The following CDK6 variants were observed in gnomAD, a reference collection of about 807,000 sequenced individuals.
CDK6 encodes cyclin-dependent kinase 6.
CDK6 carries 6 observed loss-of-function variants against 37.1 expected under a neutral mutation model. The observed-to-expected ratio is 0.16, with a 90% CI of 0.09 to 0.32. The LOEUF is 0.32. Ranked by LOEUF, CDK6 falls within the 10% of genes least tolerant of loss-of-function variation. CDK6 has a pLI of 1.00. For synonymous variants in CDK6, 160 were observed against 161.3 expected, an observed-to-expected ratio of 0.99 and a Z score of 0.06; for missense variants, 224 against 418.9, an observed-to-expected ratio of 0.53 and a Z score of 4.06.
intron 5 of CDK6, among the ~76,000 whole-genome samples, chr7:92,650,421 G>T (rs1176248001): frequency 1.3e-5 from 2 of 150,872 alleles, no homozygotes; most frequent in South Asian, 2.1e-4. Context: ...ATCTTTTGTT[G>T]TTTTTTTTTG....
chr7:92,689,731 A>T (rs1439156550), intron 4 of CDK6, among the ~76,000 whole-genome samples: 2 of 152,196 alleles, frequency 1.3e-5, no homozygotes, highest in African/African-American at 2.4e-5. Flanking sequence ...CAAAGGCTGA[A>T]CTAATTTACA....
chr7:92,734,809 T>C (rs1000087792), intron 3 of CDK6, among the ~76,000 whole-genome samples: 2 of 152,212 alleles, frequency 1.3e-5, no homozygotes, highest in African/African-American at 4.8e-5. Flanking sequence ...TGTTCATATG[T>C]GTTGAGACTT....
chr7:92,657,120 T>C (rs1796716842), intron 5 of CDK6, among the ~76,000 whole-genome samples: 1 of 152,052 alleles, frequency 6.6e-6, no homozygotes, highest in Admixed American at 6.5e-5. Context: ...AAAAAAAGAA[T>C]TGGCTTTCAA....
chr7:92,737,523 G>GA (rs1798815881), intron 3 of CDK6, among the ~76,000 whole-genome samples: 1 of 152,096 alleles, frequency 6.6e-6, no homozygotes, highest in Admixed American at 6.6e-5. Context: ...GAGATTTCCC[G>GA]AAACTGTCCT....
chr7:92,672,576 T>C (rs62466068), intron 4 of CDK6, among the ~76,000 whole-genome samples: 15,849 of 146,340 alleles, frequency 0.11, 1,249 homozygotes, highest in Non-Finnish European at 0.17. Context: ...GCATATCATG[T>C]TAAGGCTGCA....
At chr7:92,745,053 T>G (rs1799026832) in intron 3 of CDK6, among the ~76,000 whole-genome samples, 1 of 152,154 alleles carries the variant, frequency 6.6e-6, no homozygotes, top group Admixed American at 6.5e-5. Flanking sequence ...AATGATTAAA[T>G]CAAGCTAATT....
intron 2 of CDK6, among the ~76,000 whole-genome samples, chr7:92,778,925 A>T (rs895152272): frequency 4.3e-5 from 4 of 94,078 alleles, no homozygotes; most frequent in Admixed American, 1.0e-4. Flanking sequence ...ATAGTTTATC[A>T]TATATATATA....
intron 5 of CDK6, among the ~76,000 whole-genome samples, chr7:92,628,101 A>G (rs1465975408): frequency 6.6e-6 from 1 of 152,148 alleles, no homozygotes; most frequent in African/African-American, 2.4e-5. Flanking sequence ...GAATCTTTCC[A>G]AACACCTGAT....
intron 3 of CDK6, among the ~76,000 whole-genome samples, chr7:92,727,854 T>C (rs1798550107): frequency 6.6e-6 from 1 of 152,152 alleles, no homozygotes; most frequent in Non-Finnish European, 1.5e-5. Context: ...TGTGAAAATG[T>C]AGCACAAAAT....
intron 2 of CDK6, among the ~76,000 whole-genome samples, chr7:92,805,634 C>T (rs1562970287): frequency 6.6e-6 from 1 of 152,132 alleles, no homozygotes; most frequent in Non-Finnish European, 1.5e-5. Context: ...CTAGTAACAC[C>T]TACATGGCTT....
chr7:92,689,181 T>C (rs910849500), intron 4 of CDK6, among the ~76,000 whole-genome samples: 1 of 152,198 alleles, frequency 6.6e-6, no homozygotes, highest in African/African-American at 2.4e-5. Flanking sequence ...TTCATTGTAC[T>C]GATTATTTCA....
chr7:92,686,912 T>C (rs1797468716), intron 4 of CDK6, among the ~76,000 whole-genome samples: 1 of 152,174 alleles, frequency 6.6e-6, no homozygotes, highest in Admixed American at 6.5e-5. Flanking sequence ...TGGCCATTTG[T>C]ATATCTTCTT....
In CDK6 at chr7:92,835,153, C is replaced by T. The variant is rs1267353885; in HGVS notation, c.-368+1325G>A. Reference sequence around the variant, plus strand: ...CTTCTGGCACTCACTACATTCAGAACTTTCCTTAAAAGCCGAGGAAAGAGC... The same window carrying T: ...CTTCTGGCACTCACTACATTCAGAATTTTCCTTAAAAGCCGAGGAAAGAGC... On this transcript the variant is annotated intron_variant, in intron 1 of 7. Coordinates refer to ENST00000424848, the MANE Select transcript of CDK6 (RefSeq NM_001145306.2). This position sits in a 1 kb window ranked among gnomAD's most constrained non-coding sequence, Gnocchi z 4.2. 2.0e-5 allele frequency: 3 copies of T among 152,368 alleles called. No individual in the cohort carries two copies. The highest frequency in any genetic ancestry group is 3.9e-4 in the East Asian group (2 of 5,158). The allele number at this position is 152,368 out of a possible 1,614,324, so 9.4% of individuals were successfully genotyped here.
chr7:92,644,511 T>G (rs1399506269), intron 5 of CDK6, among the ~76,000 whole-genome samples: 1 of 152,198 alleles, frequency 6.6e-6, no homozygotes, highest in Admixed American at 6.5e-5. Flanking sequence ...CATCACAATA[T>G]TTCCTTTAAC....
intron 5 of CDK6, among the ~76,000 whole-genome samples, chr7:92,645,911 T>C (rs1562922925): frequency 2.0e-5 from 3 of 152,244 alleles, no homozygotes; most frequent in Admixed American, 2.0e-4. Flanking sequence ...TATCTCTGTA[T>C]GGTATTGAAT....
At chr7:92,800,593 T>C (rs148888007) in intron 2 of CDK6, among the ~76,000 whole-genome samples, 4 of 152,314 alleles carry the variant, frequency 2.6e-5, no homozygotes, top group African/African-American at 9.6e-5. Flanking sequence ...GATTAAGGAA[T>C]ACACAATCTG....
In CDK6 at chr7:92,608,400, T is replaced by C. The variant is rs1026984790; in HGVS notation, c.*6740A>G. 4.3e-6 allele frequency: 1 copy of C among 231,174 alleles called. No individual in the cohort carries two copies. The highest frequency in any genetic ancestry group is 8.6e-6 in the Non-Finnish European group (1 of 116,922). The allele number at this position is 231,174 out of a possible 1,614,324, so 14.3% of individuals were successfully genotyped here. Reference sequence around the variant, plus strand: ...AGAAAAGAAACTGGAAGCTAAAGAATTGAGAGCTTTTGCCAACTGAAGACG... The same window carrying C: ...AGAAAAGAAACTGGAAGCTAAAGAACTGAGAGCTTTTGCCAACTGAAGACG... On this transcript the variant is annotated 3_prime_UTR_variant, in exon 8 of 8. Coordinates refer to ENST00000424848, the MANE Select transcript of CDK6 (RefSeq NM_001145306.2).
At chr7:92,755,303 G>C (rs956946413) in intron 3 of CDK6, among the ~76,000 whole-genome samples, 1 of 152,058 alleles carries the variant, frequency 6.6e-6, no homozygotes, top group Admixed American at 6.5e-5. Context: ...GGAACGTCTG[G>C]AGGGGACCCA....
chr7:92,673,251 C>T (rs531385740), intron 4 of CDK6, among the ~76,000 whole-genome samples: 8 of 152,262 alleles, frequency 5.3e-5, no homozygotes, highest in Middle Eastern at 3.4e-3. Flanking sequence ...CAGCTGAGTC[C>T]GGTCAACTGA....
Sources: gnomAD v4.1 joint callset for allele counts (sites outside exome capture counted in the v4.1 genomes callset) on GRCh38, gnomAD v4.1.1 for gene constraint, Gnocchi (gnomAD v3.1) non-coding constraint, MANE v1.5 for transcripts, NCBI Gene and HGNC (gene_info 2026-07-23, HGNC 2026-07-21) for gene names.